The following EHBP1 variants were observed in gnomAD, a reference collection of about 807,000 sequenced individuals.
The protein encoded by EHBP1 is EH domain binding protein 1.
A neutral mutation model predicts 144.0 loss-of-function variants in EHBP1; 55 were observed. The ratio of observed to expected loss-of-function variants is 0.38; its 90% confidence interval spans 0.31 to 0.48. The LOEUF (loss-of-function observed/expected upper bound fraction) is 0.48, where lower values mean the gene tolerates loss of function less well. Among genes scored for constraint, EHBP1 ranks in the 20% least tolerant of loss-of-function variants. EHBP1 has a pLI of 0.98. For synonymous variants in EHBP1, 469 were observed against 472.7 expected (o/e 0.99, Z 0.10); for missense variants, 1,200 against 1,364.2 (o/e 0.88, Z 1.90).
At chr2:62,895,625 TAGAATGAAAACTTTGAAG>T (rs2052856770) in intron 10 of EHBP1, among the ~76,000 whole-genome samples, 1 of 152,082 alleles carries the variant, frequency 6.6e-6, no homozygotes, top group East Asian at 1.9e-4. Flanking sequence ...CAGATTTCAA[TAGAATGAAAACTTTGAAG>T]ACAGTATGTG....
At chr2:62,830,733 A>AT in intron 6 of EHBP1, among the ~76,000 whole-genome samples, 1 of 152,088 alleles carries the variant, frequency 6.6e-6, no homozygotes, top group Admixed American at 6.6e-5. Flanking sequence ...TGTCTAGAAG[A>AT]TTTTTTCCAG....
chr2:62,812,443 T>C (rs974787750), intron 5 of EHBP1, among the ~76,000 whole-genome samples: 3 of 152,164 alleles, frequency 2.0e-5, no homozygotes, highest in African/African-American at 7.2e-5. Context: ...TTCCTATGAA[T>C]AGAGCATTGA....
chr2:62,775,933 C>A (rs576411575), intron 5 of EHBP1, among the ~76,000 whole-genome samples: 4 of 152,254 alleles, frequency 2.6e-5, no homozygotes, highest in South Asian at 2.1e-4. Context: ...GAAAAGAGAT[C>A]ATTTGAAATT....
At chr2:62,931,275 C>T (rs1041576851) in intron 10 of EHBP1, among the ~76,000 whole-genome samples, 1 of 152,126 alleles carries the variant, frequency 6.6e-6, no homozygotes, top group African/African-American at 2.4e-5. Context: ...TGAAAAGATG[C>T]TCGACATCAC....
At chr2:62,729,615 TAAA>T (rs2037303853) in intron 2 of EHBP1, among the ~76,000 whole-genome samples, 1 of 134,896 alleles carries the variant, frequency 7.4e-6, no homozygotes, top group Admixed American at 8.2e-5. Context: ...AATATAATAA[TAAA>T]TAAAATAAAA....
At position 62,859,285 on chromosome 2, in the gene EHBP1, T is replaced by C. The variant is rs2049319697; in HGVS notation, c.751T>C (p.Ser251Pro). Reference protein sequence around the residue: ...AELNPFGDPDSEEPITETASP... With the variant: ...AELNPFGDPDPEEPITETASP... ...ATTAAATCCATTTGGAGATCCTGACTCAGAAGGTAGCAAGTTTTTCTGTAA... is the reference window on the plus strand; with the variant it reads ...ATTAAATCCATTTGGAGATCCTGACCCAGAAGGTAGCAAGTTTTTCTGTAA... The change falls in exon 8 of 23, where the codon TCA becomes CCA. Residue 251 changes from serine (S) to proline (P), a missense_variant. This residue lies in a region of EHBP1 where 266 missense variants were observed against 262.4 expected (regional missense o/e 1.01). Coordinates refer to ENST00000431489, the MANE Select transcript of EHBP1 (RefSeq NM_001142616.3). 1 of 1,600,740 alleles carries C rather than the reference T, an allele frequency of 6.2e-7. No individual in the cohort carries two copies. Among genetic ancestry groups the C allele is most frequent in the Non-Finnish European group, 8.5e-7 (1 of 1,171,252 alleles).
chr2:63,042,526 G>C (rs1185948114), intron 21 of EHBP1, among the ~76,000 whole-genome samples: 19 of 151,676 alleles, frequency 1.3e-4, no homozygotes, highest in Admixed American at 1.1e-3. Flanking sequence ...ATTTATGCTG[G>C]GATATTTTAA....
chr2:62,983,511 T>G (rs1053580098), intron 15 of EHBP1, among the ~76,000 whole-genome samples: 1 of 152,162 alleles, frequency 6.6e-6, no homozygotes, highest in Non-Finnish European at 1.5e-5. Flanking sequence ...TAGATTAGAT[T>G]AGATTTGCTT....
chr2:62,801,404 G>A (rs888714483), intron 5 of EHBP1, among the ~76,000 whole-genome samples: 3 of 152,174 alleles, frequency 2.0e-5, no homozygotes, highest in Non-Finnish European at 2.9e-5. Flanking sequence ...ATACTGAAGT[G>A]TTGTGAGTAT....
At chr2:62,898,931 C>A (rs1024574855) in intron 10 of EHBP1, among the ~76,000 whole-genome samples, 4 of 151,976 alleles carry the variant, frequency 2.6e-5, no homozygotes, top group Admixed American at 6.6e-5. Flanking sequence ...ATTGTTTTTC[C>A]CCCTCTTCCA....
At position 62,765,786 on chromosome 2, in the gene EHBP1, G is replaced by A. The variant is rs531645811; in HGVS notation, c.258+1425G>A. Among the ~76,000 whole-genome samples the A allele has an allele frequency of 9.1e-4, 139 of 152,244 alleles. 1 individual carries two copies. In the South Asian group the frequency reaches 0.028, roughly 30 times the overall value. ...GCATTCCTCAAAATACAAAATGAGA[G>A]GGGAGGGATAGGCAGGGAGAATGGT... On this transcript the variant is annotated intron_variant, in intron 4 of 22. Transcript: ENST00000431489.
intron 1 of EHBP1, among the ~76,000 whole-genome samples, chr2:62,685,190 A>G (rs1374490853): frequency 6.6e-6 from 1 of 152,242 alleles, no homozygotes; most frequent in Non-Finnish European, 1.5e-5. Flanking sequence ...GTCATCACAA[A>G]AAAGATAAAT....
chr2:63,015,727 A>G (rs1219332984), intron 19 of EHBP1, among the ~76,000 whole-genome samples: 3 of 152,218 alleles, frequency 2.0e-5, no homozygotes, highest in African/African-American at 4.8e-5. Context: ...CATTAAAAAT[A>G]TATACATTAA....
upstream of EHBP1, among the ~76,000 whole-genome samples, chr2:62,704,325 T>C (rs79245926): frequency 4.4e-3 from 669 of 152,328 alleles, 2 homozygotes; most frequent in Non-Finnish European, 7.0e-3. Context: ...AAGCCTTATA[T>C]CTGTCTCCCC....
chr2:62,950,473 A>G (rs370858365), intron 13 of EHBP1, among the ~76,000 whole-genome samples: 2 of 152,186 alleles, frequency 1.3e-5, no homozygotes, highest in East Asian at 3.8e-4. Context: ...TTTTTAAAGT[A>G]ATTATTTTCT....
intron 2 of EHBP1, among the ~76,000 whole-genome samples, chr2:62,728,519 A>T (rs1192017548): frequency 6.6e-6 from 1 of 152,190 alleles, no homozygotes; most frequent in East Asian, 1.9e-4. Context: ...ATATTTTCAT[A>T]TGCTTATAGA....
At position 62,988,042 on chromosome 2, in the gene EHBP1, A is replaced by G. The variant is rs555997649; in HGVS notation, c.2609-2674A>G. 5 of 1,534,244 alleles carry G rather than the reference A, an allele frequency of 3.3e-6. No homozygotes were observed. The Admixed American group carries it at 8.5e-5, about 26-fold the overall frequency. On this transcript the variant is annotated intron_variant, in intron 15 of 22. Coordinates refer to ENST00000431489, the MANE Select transcript of EHBP1 (RefSeq NM_001142616.3). ...GAAAATGACCTTGATACTCCCGGTAATTTCAAATTATAAATGTTTTGTGTC... is the reference window on the plus strand; with the variant it reads ...GAAAATGACCTTGATACTCCCGGTAGTTTCAAATTATAAATGTTTTGTGTC...
chr2:62,928,873 T>C lies in EHBP1; in HGVS notation c.1186-13845T>C, dbSNP rs548867196. Among the ~76,000 whole-genome samples, 7 of 150,150 alleles carry C rather than the reference T, an allele frequency of 4.7e-5. No homozygotes were observed. The East Asian group carries it at 1.2e-3, about 25-fold the overall frequency. ...AAAAAAAAAGAGAAAAGGCTCACTT[T>C]AGTAAAATTAGAAATTAAATAAAGT... is the stretch of plus-strand genomic sequence containing the variant. On this transcript the variant is annotated intron_variant, in intron 10 of 22. Coordinates refer to ENST00000431489, the MANE Select transcript of EHBP1 (RefSeq NM_001142616.3).
At chr2:62,917,485 T>C (rs944149922) in intron 10 of EHBP1, among the ~76,000 whole-genome samples, 8 of 152,056 alleles carry the variant, frequency 5.3e-5, no homozygotes, top group African/African-American at 1.9e-4. Flanking sequence ...CACACACACA[T>C]TTTAAGGAAA....
Sources: gnomAD v4.1 joint callset for allele counts (sites outside exome capture counted in the v4.1 genomes callset) on GRCh38, gnomAD v4.1.1 for gene constraint, gnomAD v4.1.1 regional missense constraint, MANE v1.5 for transcripts, NCBI Gene and HGNC (gene_info 2026-07-23, HGNC 2026-07-21) for gene names.